Variants in FRMPD1 observed in about 807,000 individuals in gnomAD.
FRMPD1 encodes FERM and PDZ domain-containing protein 1.
Under a neutral mutation model 117.8 loss-of-function variants are expected in FRMPD1, and 76 were observed. The ratio of observed to expected loss-of-function variants is 0.65; its 90% confidence interval spans 0.54 to 0.78. The LOEUF is 0.78. Ranked by LOEUF, FRMPD1 falls within the 30% of genes least tolerant of loss-of-function variation. FRMPD1 has a pLI of 0.00. For missense variants in FRMPD1, 1,786 were observed against 1,964.5 expected, an observed-to-expected ratio of 0.91 and a Z score of 1.72; for synonymous variants, 783 against 770.4, an observed-to-expected ratio of 1.02 and a Z score of -0.27.
At chr9:37,638,018 TTCTTTC>T in the FRMPD1 span, among the ~76,000 whole-genome samples, 85 of 115,178 alleles carry the variant, frequency 7.4e-4, 10 homozygotes, top group Middle Eastern at 4.8e-3. Context: ...CTTTCTTTCT[TTCTTTC>T]TCTCTCTTTC....
the FRMPD1 span, among the ~76,000 whole-genome samples, chr9:37,625,261 G>A: frequency 1.3e-5 from 2 of 152,256 alleles, no homozygotes; most frequent in African/African-American, 4.8e-5. Flanking sequence ...AAAAGACTCA[G>A]TTCTGGCACT....
chr9:37,644,458 T>C, the FRMPD1 span, among the ~76,000 whole-genome samples: 1 of 152,212 alleles, frequency 6.6e-6, no homozygotes, highest in Non-Finnish European at 1.5e-5. Context: ...GCTCCAGCTA[T>C]AGGCAACAGT....
intron 10 of FRMPD1, among the ~76,000 whole-genome samples, chr9:37,733,272 T>A (rs983196532): frequency 6.6e-6 from 1 of 151,900 alleles, no homozygotes; most frequent in Non-Finnish European, 1.5e-5. Context: ...ATCAATGGGG[T>A]TTAGTTCCTG....
chr9:37,620,319 G>A, the FRMPD1 span, among the ~76,000 whole-genome samples: 9 of 152,202 alleles, frequency 5.9e-5, no homozygotes, highest in South Asian at 1.5e-3. Context: ...GAGCAGTTTC[G>A]CCACTGACAA....
chr9:37,697,470 G>A (rs1193848717), intron 2 of FRMPD1, among the ~76,000 whole-genome samples: 6 of 152,036 alleles, frequency 3.9e-5, no homozygotes, highest in Admixed American at 1.3e-4. Context: ...AGGAGGCTGA[G>A]GCAGGAGAAT....
chr9:37,654,265 AAGT>A (rs1342811206), intron 1 of FRMPD1, among the ~76,000 whole-genome samples: 3 of 152,214 alleles, frequency 2.0e-5, no homozygotes, highest in African/African-American at 4.8e-5. Context: ...ATGTGGGAGA[AAGT>A]AGTAGGAGTG....
At chr9:37,702,222 C>T (rs559932209) in intron 2 of FRMPD1, among the ~76,000 whole-genome samples, 18 of 152,286 alleles carry the variant, frequency 1.2e-4, no homozygotes, top group African/African-American at 3.4e-4. Flanking sequence ...ATTAGAGGTA[C>T]AACTACATTA....
the FRMPD1 span, among the ~76,000 whole-genome samples, chr9:37,637,851 T>C: frequency 6.6e-6 from 1 of 152,122 alleles, no homozygotes; most frequent in Non-Finnish European, 1.5e-5. Context: ...GTTGCGCGGA[T>C]AGTGAGTGAA....
intron 6 of FRMPD1, among the ~76,000 whole-genome samples, chr9:37,720,915 T>C (rs10738987): frequency 0.44 from 66,526 of 152,120 alleles, 14,569 homozygotes; most frequent in South Asian, 0.54. Flanking sequence ...ATTCAACACA[T>C]GACTCTTCAT....
intron 2 of FRMPD1, among the ~76,000 whole-genome samples, chr9:37,701,710 T>G (rs528535564): frequency 6.6e-6 from 1 of 152,250 alleles, no homozygotes; most frequent in African/African-American, 2.4e-5. Context: ...TAAGCCATAT[T>G]CAGGATTTTG....
Position 37,746,147 on chromosome 9 carries a change from C to A in FRMPD1, c.4115C>A (p.Ala1372Glu), listed in dbSNP as rs184865749. 3 of 1,613,908 alleles carry A rather than the reference C, an allele frequency of 1.9e-6. No homozygotes were observed. In the East Asian group the frequency reaches 6.7e-5, roughly 36 times the overall value. The change falls in exon 16 of 16, where the codon GCG (alanine) becomes GAG (glutamate). Residue 1372 changes from alanine (A) to glutamate (E), a missense_variant. Ala to Glu is a moderately radical substitution (Grantham distance 107). Transcript: ENST00000377765. ...GCCCCCCTCACCTCACCGCCCTCTGCGGGAAGCCCGGTGGTTCTGCCCTGG... is the reference window on the plus strand; with the variant it reads ...GCCCCCCTCACCTCACCGCCCTCTGAGGGAAGCCCGGTGGTTCTGCCCTGG... ...PMAPLTSPPS[A>E]GSPVVLPWRP...
At chr9:37,743,936 A>T (rs58908445) in intron 15 of FRMPD1, among the ~76,000 whole-genome samples, 14 of 151,352 alleles carry the variant, frequency 9.2e-5, no homozygotes, top group African/African-American at 3.4e-4. Flanking sequence ...GCGGTGGCTC[A>T]TGCCTGTAAT....
At chr9:37,685,568 C>T (rs1056499836) in intron 1 of FRMPD1, among the ~76,000 whole-genome samples, 37 of 151,914 alleles carry the variant, frequency 2.4e-4, no homozygotes, top group African/African-American at 7.3e-4. Flanking sequence ...AGGAGAATGG[C>T]GTGAACCCAT....
At chr9:37,640,748 G>T in the FRMPD1 span, among the ~76,000 whole-genome samples, 1 of 152,214 alleles carries the variant, frequency 6.6e-6, no homozygotes, top group East Asian at 1.9e-4. Context: ...GAATTATTTT[G>T]TGAGTATTTG....
At chr9:37,743,078 C>T (rs1824497159) in intron 15 of FRMPD1, among the ~76,000 whole-genome samples, 1 of 152,192 alleles carries the variant, frequency 6.6e-6, no homozygotes, top group African/African-American at 2.4e-5. Context: ...AAGTGCTAGG[C>T]TCTGATCCTA....
At chr9:37,742,610 T>C (rs1333819139) in intron 15 of FRMPD1, among the ~76,000 whole-genome samples, 1 of 152,120 alleles carries the variant, frequency 6.6e-6, no homozygotes, top group African/African-American at 2.4e-5. Flanking sequence ...TTAAAAACTA[T>C]AGATTTGGCC....
At chr9:37,736,830 TGTGTGAGTGAGTGTGTGAGTGC>T (rs1824150267) in intron 13 of FRMPD1, among the ~76,000 whole-genome samples, 1 of 151,430 alleles carries the variant, frequency 6.6e-6, no homozygotes, top group African/African-American at 2.4e-5. Context: ...GGACCCACTG[TGTGTGAGTGAGTGTGTGAGTGC>T]GTGAGAGTGT....
intron 1 of FRMPD1, among the ~76,000 whole-genome samples, chr9:37,681,921 A>G (rs1821744617): frequency 6.6e-6 from 1 of 152,242 alleles, no homozygotes; most frequent in African/African-American, 2.4e-5. Flanking sequence ...GGAGATGATC[A>G]CAGGCTGTAT....
rs184160331 is a variant in FRMPD1 at position 37,705,530 on chromosome 9, C to T, written c.102-1886C>T. ...CAGGCTGGTCTTGAGCTCTGGGACT[C>T]AAGTGATTAGCTAGCCTCAGCTTCC... On this transcript the variant is annotated intron_variant, in intron 2 of 15. Transcript: ENST00000377765. Among the ~76,000 whole-genome samples the T allele has an allele frequency of 5.3e-3, 811 of 152,212 alleles. 8 individuals are homozygous for T. The highest frequency in any genetic ancestry group is 0.019 in the African/African-American group (785 of 41,510).
Sources: allele counts gnomAD v4.1 joint callset (sites outside exome capture counted in the v4.1 genomes callset), GRCh38; gene constraint gnomAD v4.1.1; transcripts MANE v1.5; gene names NCBI Gene and HGNC (gene_info 2026-07-23, HGNC 2026-07-21).